The following PRKD3 variants were observed in gnomAD, a reference collection of about 807,000 sequenced individuals.
The protein encoded by PRKD3 is protein kinase D3, also known as serine/threonine-protein kinase D3.
Under a neutral mutation model 99.2 loss-of-function variants are expected in PRKD3, and 47 were observed. That is an observed-to-expected ratio of 0.47 (90% CI 0.38 to 0.60). The LOEUF is 0.60. PRKD3 is among the 20% of genes least tolerant of loss of function. The pLI is 0.00. For missense variants in PRKD3, 1,019 were observed against 1,088.4 expected (o/e 0.94, Z 0.90); for synonymous variants, 392 against 355.4 (o/e 1.10, Z -1.16).
At chr2:37,268,943 C>CT (rs1669030585) in intron 13 of PRKD3, 1 of 153,042 alleles carries the variant, frequency 6.5e-6, no homozygotes, top group South Asian at 2.1e-4. Flanking sequence ...AAGATTGACT[C>CT]TAAGAGTTGT....
At chr2:37,256,329 T>C (rs1667932558) in intron 17 of PRKD3, among the ~76,000 whole-genome samples, 1 of 152,114 alleles carries the variant, frequency 6.6e-6, no homozygotes, top group African/African-American at 2.4e-5. Context: ...ATGAAAGTAA[T>C]GTTTCCTGAA....
At chr2:37,322,805 C>T (rs548067303) in intron 1 of PRKD3, among the ~76,000 whole-genome samples, 3 of 152,170 alleles carry the variant, frequency 2.0e-5, no homozygotes, top group South Asian at 2.1e-4. Context: ...ACATAATCAG[C>T]GAGACTCAAA....
intron 17 of PRKD3, among the ~76,000 whole-genome samples, 155 bp downstream of exon 17, chr2:37,256,507 C>CA (rs529672921): frequency 1.5e-3 from 228 of 151,078 alleles, no homozygotes; most frequent in African/African-American, 5.3e-3. Flanking sequence ...GAAGAGTGCT[C>CA]AAAAAACTGG....
chr2:37,274,611 T>A lies in PRKD3; in HGVS notation c.1461A>T (p.Glu487Asp). The change falls in exon 11 of 19, where the codon GAA becomes GAT. Residue 487 changes from glutamate to aspartate, a missense_variant. Glu to Asp is a conservative substitution (Grantham distance 45). Around this residue, in one of 3 missense-constraint regions of PRKD3, gnomAD observed 710 missense variants for 692.7 expected, o/e 1.02. Coordinates refer to ENST00000234179, the MANE Select transcript of PRKD3 (RefSeq NM_005813.6). ...ISQGSNPHCF[E>D]IITDTMVYFV... ...AGTATACCATAGTATCAGTAATGAT[T>A]TCAAAACAGTGTGGATTGCTGCCTT... The A allele has an allele frequency of 6.2e-7, 1 of 1,614,128 alleles. No homozygotes were observed. The highest frequency in any genetic ancestry group is 2.2e-5 in the East Asian group (1 of 44,880).
intron 2 of PRKD3, among the ~76,000 whole-genome samples, chr2:37,308,718 G>T (rs1671280164): frequency 6.6e-6 from 1 of 152,154 alleles, no homozygotes; most frequent in African/African-American, 2.4e-5. Flanking sequence ...GCCTCCCAAA[G>T]TGCTAGGATC....
At chr2:37,283,708 C>T (rs866765957) in intron 6 of PRKD3, among the ~76,000 whole-genome samples, 1 of 151,914 alleles carries the variant, frequency 6.6e-6, no homozygotes, top group African/African-American at 2.4e-5. Context: ...AAACTCAGGC[C>T]GGGTGCAGCG....
At chr2:37,274,807 A>C in intron 10 of PRKD3, 110 bp from the exon 11 acceptor site, 2 of 1,051,080 alleles carry the variant, frequency 1.9e-6, no homozygotes, top group Non-Finnish European at 2.7e-6. Context: ...TAAGACGGAC[A>C]CAAGTATGCA....
At chr2:37,284,349 T>C (rs1037196543) in intron 6 of PRKD3, among the ~76,000 whole-genome samples, 1 of 152,174 alleles carries the variant, frequency 6.6e-6, no homozygotes, top group African/African-American at 2.4e-5. Context: ...AGATTCTTCT[T>C]CCAGAACCCT....
chr2:37,260,661 T>C (rs1448740084), intron 14 of PRKD3, among the ~76,000 whole-genome samples: 2 of 152,204 alleles, frequency 1.3e-5, no homozygotes, highest in African/African-American at 2.4e-5. Flanking sequence ...TCCTTCTCAC[T>C]TGAAAAATCT....
intron 6 of PRKD3, among the ~76,000 whole-genome samples, chr2:37,284,095 GACAA>G (rs1450449034): frequency 6.6e-6 from 1 of 152,038 alleles, no homozygotes; most frequent in Non-Finnish European, 1.5e-5. Flanking sequence ...AGAAAATAAA[GACAA>G]ACAGATTAAT....
rs1669455819 is a variant in PRKD3, at chr2:37,274,418, T to C, written c.1651+3A>G. The C allele has an allele frequency of 1.2e-6, 2 of 1,613,832 alleles. No individual in the cohort carries two copies. Among genetic ancestry groups the C allele is most frequent in the African/African-American group, 2.7e-5 (2 of 74,930 alleles). On this transcript the variant is annotated splice_donor_region_variant and intron_variant, in intron 11 of 18. Transcript: ENST00000234179. ...AAAAGCCATCAAGAAGTTTATTGCT[T>C]ACTGTGATCTTTCCCTTGCCCTGGA...
rs530067925 is a variant in PRKD3, at chr2:37,308,744, C to T, written c.288+7493G>A. 7.9e-5 allele frequency among the ~76,000 whole-genome samples: 12 copies of T among 152,286 alleles called. No homozygotes were observed. In the South Asian group the frequency reaches 1.7e-3, roughly 21 times the overall value. On this transcript the variant is annotated intron_variant, in intron 2 of 18. Coordinates refer to ENST00000234179, the MANE Select transcript of PRKD3 (RefSeq NM_005813.6). ...TGCTAGGATCACAGACATGGGCCAA[C>T]GCGCCCAGCTAGTGTCAGGTATTAA...
In PRKD3 at chr2:37,260,375, G is replaced by A. The variant is rs1668322098; in HGVS notation, c.1894C>T (p.His632Tyr). The A allele has an allele frequency of 1.2e-6, 2 of 1,610,794 alleles. No individual in the cohort carries two copies. The highest frequency in any genetic ancestry group is 1.3e-5 in the African/African-American group (1 of 74,750). ...NEVAILQNLH[H>Y]PGIVNLECMF... ...CATTCCAGGTTTACAATCCCAGGAT[G>A]GTGCAAATTCTGAAGAGAGGTTGCA... The change falls in exon 15 of 19, where the codon CAT becomes TAT. Residue 632 changes from histidine to tyrosine, a missense_variant. Around this residue, in one of 3 missense-constraint regions of PRKD3, gnomAD observed 184 missense variants for 275.1 expected, o/e 0.67. Coordinates refer to ENST00000234179, the MANE Select transcript of PRKD3 (RefSeq NM_005813.6).
chr2:37,299,648 T>C (rs1245201747), intron 2 of PRKD3, among the ~76,000 whole-genome samples: 1 of 151,710 alleles, frequency 6.6e-6, no homozygotes, highest in Non-Finnish European at 1.5e-5. Flanking sequence ...GACAAGGGGT[T>C]AATAACCAGA....
chr2:37,285,665 G>C (rs1670056354), intron 6 of PRKD3, among the ~76,000 whole-genome samples: 1 of 152,136 alleles, frequency 6.6e-6, no homozygotes, highest in South Asian at 2.1e-4. Flanking sequence ...TCAAGTATCA[G>C]CTTTGCTGCC....
At position 37,294,577 on chromosome 2, in the gene PRKD3, T is replaced by C. The variant is rs190860232; in HGVS notation, c.289-1306A>G. On this transcript the variant is annotated intron_variant, in intron 2 of 18. Coordinates refer to ENST00000234179, the MANE Select transcript of PRKD3 (RefSeq NM_005813.6). ...ACAGTATTTGTAAAACCTCATAGTA[T>C]GTTTAACATATATCTAAGAGTGTAA... Among the ~76,000 whole-genome samples the C allele has an allele frequency of 4.0e-3, 597 of 149,104 alleles. 4 individuals carry two copies. Among genetic ancestry groups the C allele is most frequent in the Non-Finnish European group, 5.8e-3 (390 of 67,670 alleles).
chr2:37,278,010 G>GT (rs1669658042), intron 8 of PRKD3, 21 bp from the exon 9 acceptor site: 1 of 1,576,494 alleles, frequency 6.3e-7, no homozygotes, highest in Non-Finnish European at 8.7e-7. Context: ...TTTAAAATTT[G>GT]TAAGTTTGTG....
intron 2 of PRKD3, among the ~76,000 whole-genome samples, chr2:37,299,001 T>A (rs1670793830): frequency 6.7e-6 from 1 of 148,996 alleles, no homozygotes. Flanking sequence ...TTGTCTTGTT[T>A]CAGATCTTAG....
At chr2:37,322,747 G>T (rs949401057) in intron 1 of PRKD3, among the ~76,000 whole-genome samples, 3 of 151,998 alleles carry the variant, frequency 2.0e-5, no homozygotes, top group African/African-American at 7.3e-5. Context: ...TCCTGAGAGG[G>T]CTACTCAAAG....
Sources: gnomAD v4.1 joint callset for allele counts (sites outside exome capture counted in the v4.1 genomes callset) on GRCh38, gnomAD v4.1.1 for gene constraint, gnomAD v4.1.1 regional missense constraint, MANE v1.5 for transcripts, NCBI Gene and HGNC (gene_info 2026-07-23, HGNC 2026-07-21) for gene names.